The following SYT10 variants were observed in gnomAD, a reference collection of about 807,000 sequenced individuals.
SYT10 encodes the protein synaptotagmin-10.
SYT10 carries 31 observed loss-of-function variants against 51.1 expected under a neutral mutation model. The observed-to-expected ratio is 0.61, with a 90% CI of 0.46 to 0.82. SYT10 has a LOEUF of 0.82. Ranked by LOEUF, SYT10 falls within the 40% of genes least tolerant of loss-of-function variation. The pLI is 0.00. For missense variants in SYT10, 603 were observed against 634.0 expected (o/e 0.95, Z 0.53); for synonymous variants, 233 against 225.9 (o/e 1.03, Z -0.28).
chr12:33,436,968 A>G lies in SYT10; in HGVS notation c.151+2404T>C, dbSNP rs78307102. Among the ~76,000 whole-genome samples the G allele has an allele frequency of 6.5e-3, 991 of 152,340 alleles. 10 individuals are homozygous for G. Among genetic ancestry groups the G allele is most frequent in the African/African-American group, 0.022 (914 of 41,578 alleles). On this transcript the variant is annotated intron_variant, in intron 1 of 6. Transcript: ENST00000228567. ...GAAGTGCTTTATTTAGGAACCTATA[A>G]TAACAAGCATGAGAGCACAAGTTAT...
chr12:33,426,410 C>T lies in SYT10; in HGVS notation c.237G>A (p.Leu79=), dbSNP rs1379627240. The stretch of plus-strand genomic sequence containing the variant: ...GTTTGCTTTTCCAGCATGGCCAACA[C>T]AGCTTCCAGAAGACAAAAAGTGAGA... ...LVVSLFVFWK[L]CWPCWKSKPV... is the part of the protein sequence containing the mutation. The change falls in exon 2 of 7, where the codon CTG becomes CTA. Residue 79 remains leucine (L), a synonymous_variant. Transcript: ENST00000228567. 1 of 1,614,032 alleles carries T rather than the reference C, an allele frequency of 6.2e-7. No homozygotes were observed. Among genetic ancestry groups the T allele is most frequent in the Non-Finnish European group, 8.5e-7 (1 of 1,179,976 alleles).
At chr12:33,403,627 C>CA (rs1239083216) in intron 3 of SYT10, among the ~76,000 whole-genome samples, 12 of 152,118 alleles carry the variant, frequency 7.9e-5, no homozygotes, top group African/African-American at 2.9e-4. Context: ...TAGGTTTCCG[C>CA]AGGACTTAAA....
chr12:33,394,774 ACTC>A (rs1398576524), intron 3 of SYT10, among the ~76,000 whole-genome samples: 1 of 152,192 alleles, frequency 6.6e-6, no homozygotes, highest in African/African-American at 2.4e-5. Context: ...TTCGTACTTT[ACTC>A]TGTGGCTTTA....
At chr12:33,392,009 C>T in intron 3 of SYT10, among the ~76,000 whole-genome samples, 1 of 152,078 alleles carries the variant, frequency 6.6e-6, no homozygotes, top group East Asian at 1.9e-4. Context: ...AGTGCTTGCC[C>T]ACGTAAGATG....
chr12:33,406,864 A>T lies in SYT10; in HGVS notation c.1002T>A (p.Ile334=). Residue 334 remains isoleucine (I), a synonymous_variant, in exon 3 of 7, where the codon ATT becomes ATA. Coordinates refer to ENST00000228567, the MANE Select transcript of SYT10 (RefSeq NM_198992.4). ...FSRHDMIGEV[I]LDNLFEVSDL... ...CAGAGACTTCAAACAAATTATCAAG[A>T]ATCACTTCCCCAATCATGTCATGTC... 6.2e-7 allele frequency: 1 copy of T among 1,614,060 alleles called. No individual in the cohort carries two copies.
chr12:33,434,045 T>G (rs1357163058), intron 1 of SYT10, among the ~76,000 whole-genome samples: 8 of 152,076 alleles, frequency 5.3e-5, no homozygotes, highest in Admixed American at 3.3e-4. Flanking sequence ...ATTTGAATCA[T>G]GAGATAGTTA....
intron 2 of SYT10, among the ~76,000 whole-genome samples, chr12:33,413,734 A>G (rs1353778935): frequency 6.6e-6 from 1 of 152,238 alleles, no homozygotes; most frequent in Non-Finnish European, 1.5e-5. Flanking sequence ...AAAACATGCC[A>G]AATTGTGAAG....
At chr12:33,422,382 C>T (rs1268111008) in intron 2 of SYT10, among the ~76,000 whole-genome samples, 2 of 152,004 alleles carry the variant, frequency 1.3e-5, no homozygotes, top group Non-Finnish European at 2.9e-5. Context: ...TACACTTGAA[C>T]ATAATAAAAA....
chr12:33,426,999 C>T (rs1199984433), intron 1 of SYT10, among the ~76,000 whole-genome samples: 2 of 152,156 alleles, frequency 1.3e-5, no homozygotes, highest in African/African-American at 2.4e-5. Flanking sequence ...CTATTAGTTA[C>T]ATTTTTCAAC....
chr12:33,398,743 A>G (rs1866278660), intron 3 of SYT10, among the ~76,000 whole-genome samples: 1 of 152,176 alleles, frequency 6.6e-6, no homozygotes, highest in South Asian at 2.1e-4. Context: ...ACCATAAAAT[A>G]TATCCTATGG....
intron 2 of SYT10, among the ~76,000 whole-genome samples, chr12:33,414,222 C>A (rs1344783575): frequency 1.3e-5 from 2 of 152,240 alleles, no homozygotes; most frequent in African/African-American, 4.8e-5. Flanking sequence ...TAGACTCCCC[C>A]ACAATAATAA....
rs1565499900 is a variant in SYT10, at chr12:33,428,644, C to T, written c.152-2149G>A. On this transcript the variant is annotated intron_variant, in intron 1 of 6. Transcript: ENST00000228567. ...ACTGGCGGCCAGGCGCGGTGGCTCCCGCCTGTAATCCCAGCACTTTGGGAG... is the reference window on the plus strand; with the variant it reads ...ACTGGCGGCCAGGCGCGGTGGCTCCTGCCTGTAATCCCAGCACTTTGGGAG... Among the ~76,000 whole-genome samples the T allele has an allele frequency of 3.9e-5, 6 of 152,190 alleles. No individual in the cohort carries two copies. The South Asian group carries it at 8.3e-4, about 21-fold the overall frequency.
chr12:33,422,129 T>C (rs1439586697), intron 2 of SYT10, among the ~76,000 whole-genome samples: 1 of 151,624 alleles, frequency 6.6e-6, no homozygotes, highest in Non-Finnish European at 1.5e-5. Context: ...TAGAAGTGAA[T>C]ACGGCTGATT....
chr12:33,390,981 C>G (rs763726121), intron 3 of SYT10, among the ~76,000 whole-genome samples: 1 of 152,106 alleles, frequency 6.6e-6, no homozygotes, highest in Non-Finnish European at 1.5e-5. Flanking sequence ...CTCTGTTGCC[C>G]AGGCTGGAGT....
At chr12:33,408,005 A>C (rs1478815405) in intron 2 of SYT10, 1 of 152,256 alleles carries the variant, frequency 6.6e-6, no homozygotes, top group African/African-American at 2.4e-5. Context: ...TTAGCAAAAA[A>C]ATTCAATATT....
At chr12:33,419,059 C>T (rs1427250532) in intron 2 of SYT10, among the ~76,000 whole-genome samples, 2 of 152,090 alleles carry the variant, frequency 1.3e-5, no homozygotes, top group African/African-American at 4.8e-5. Context: ...GCCTCCTCTA[C>T]ATAAAAAGCC....
chr12:33,388,831 A>G (rs1866179860), intron 3 of SYT10, among the ~76,000 whole-genome samples: 1 of 152,226 alleles, frequency 6.6e-6, no homozygotes, highest in East Asian at 1.9e-4. Flanking sequence ...TTTTCCATGT[A>G]GTCTCTTTCC....
At chr12:33,431,314 C>T (rs978033477) in intron 1 of SYT10, among the ~76,000 whole-genome samples, 9 of 152,200 alleles carry the variant, frequency 5.9e-5, no homozygotes, top group African/African-American at 2.2e-4. Flanking sequence ...ATTTTTTATG[C>T]TGCCATATTC....
At chr12:33,439,321 G>A in intron 1 of SYT10, 51 bp downstream of exon 1, 1 of 1,571,880 alleles carries the variant, frequency 6.4e-7, no homozygotes, top group Non-Finnish European at 8.6e-7. Context: ...GCAGCCTAGC[G>A]CGCGGGGTCC....
Sources: gnomAD v4.1 joint callset for allele counts (sites outside exome capture counted in the v4.1 genomes callset) on GRCh38, gnomAD v4.1.1 for gene constraint, MANE v1.5 for transcripts, NCBI Gene and HGNC (gene_info 2026-07-23, HGNC 2026-07-21) for gene names.